The following FER1L6 variants were observed in gnomAD, a reference collection of about 807,000 sequenced individuals.
FER1L6 encodes the protein fer-1 like family member 6, also known as fer-1-like protein 6.
FER1L6 carries 177 observed loss-of-function variants against 219.2 expected under a neutral mutation model. The ratio of observed to expected loss-of-function variants is 0.81; its 90% confidence interval spans 0.71 to 0.91. The LOEUF (loss-of-function observed/expected upper bound fraction) is 0.91, where lower values mean the gene tolerates loss of function less well. Ranked by LOEUF, FER1L6 falls within the 40% of genes least tolerant of loss-of-function variation. The pLI is 0.00. For missense variants in FER1L6, 2,153 were observed against 2,259.9 expected (o/e 0.95, Z 0.96); for synonymous variants, 768 against 824.3 (o/e 0.93, Z 1.17).
Position 124,064,445 on chromosome 8 carries a change from C to T in FER1L6, c.3427C>T (p.Pro1143Ser). 1 of 1,613,848 alleles carries T rather than the reference C, an allele frequency of 6.2e-7. No homozygotes were observed. The highest frequency in any genetic ancestry group is 2.2e-5 in the East Asian group (1 of 44,884). Residue 1143 changes from proline (P) to serine (S), a missense_variant, in exon 26 of 41, where the codon CCC (proline) becomes TCC (serine). Coordinates refer to ENST00000522917, the MANE Select transcript of FER1L6 (RefSeq NM_001039112.2). The stretch of plus-strand genomic sequence containing the variant: ...CATTTATGTGGATGTTGAGCCACCT[C>T]CCACAGTGGTGCCCGACTCTGCCCA... ...DHIYVDVEPP[P>S]TVVPDSAQAQ...
At chr8:123,895,650 A>G (rs935074159) in intron 1 of FER1L6, among the ~76,000 whole-genome samples, 2 of 152,172 alleles carry the variant, frequency 1.3e-5, no homozygotes, top group Admixed American at 6.5e-5. Context: ...TGAGTCAGCG[A>G]GTAACTTGTG....
chr8:123,856,724 C>T (rs765269290), intron 1 of FER1L6, among the ~76,000 whole-genome samples: 6 of 151,844 alleles, frequency 4.0e-5, no homozygotes, highest in Non-Finnish European at 5.9e-5. Context: ...AAGTTAGCAC[C>T]ACACATTAAC....
chr8:123,996,951 TG>T (rs1188618231), intron 12 of FER1L6, among the ~76,000 whole-genome samples: 1 of 152,136 alleles, frequency 6.6e-6, no homozygotes, highest in Admixed American at 6.5e-5. Context: ...AAGTATTTGT[TG>T]TATACTGTCC....
chr8:124,059,290 A>G (rs1820449473), intron 22 of FER1L6, among the ~76,000 whole-genome samples: 1 of 152,186 alleles, frequency 6.6e-6, no homozygotes. Flanking sequence ...AGAGATGGAA[A>G]TTTACTTGTG....
chr8:124,107,649 G>A (rs1181277555), intron 39 of FER1L6, among the ~76,000 whole-genome samples: 1 of 152,138 alleles, frequency 6.6e-6, no homozygotes, highest in Non-Finnish European at 1.5e-5. Flanking sequence ...TTATTATAGT[G>A]ATTTAAATTC....
At chr8:124,104,702 G>A (rs1822690426) in intron 39 of FER1L6, among the ~76,000 whole-genome samples, 1 of 152,088 alleles carries the variant, frequency 6.6e-6, no homozygotes, top group African/African-American at 2.4e-5. Flanking sequence ...TCTAATTTCT[G>A]TATATTAATA....
chr8:124,003,449 T>G (rs13256364), intron 13 of FER1L6, 102 bp downstream of exon 13: 2 of 368,922 alleles, frequency 5.4e-6, no homozygotes, highest in Non-Finnish European at 9.6e-6. Flanking sequence ...ATCAGAAATG[T>G]CCTTTTTTTT....
At chr8:123,859,052 G>C (rs1816698277) in intron 1 of FER1L6, among the ~76,000 whole-genome samples, 1 of 151,808 alleles carries the variant, frequency 6.6e-6, no homozygotes, top group South Asian at 2.1e-4. Flanking sequence ...ACAGGCTGGA[G>C]TGCAGTGGCA....
intron 1 of FER1L6, among the ~76,000 whole-genome samples, chr8:123,865,802 G>C (rs28829655): frequency 4.0e-4 from 59 of 146,318 alleles, no homozygotes; most frequent in African/African-American, 1.1e-3. Flanking sequence ...GACCACTTGC[G>C]CTTCCCAGGT....
At chr8:123,966,096 A>C (rs765691214) in intron 4 of FER1L6, 35 bp downstream of exon 4, 3 of 1,613,554 alleles carry the variant, frequency 1.9e-6, no homozygotes, top group Middle Eastern at 1.7e-4. Context: ...AGCCTCCCCC[A>C]GTGCTTCCTG....
chr8:124,108,888 A>C (rs1822892347), intron 39 of FER1L6, among the ~76,000 whole-genome samples: 1 of 152,170 alleles, frequency 6.6e-6, no homozygotes, highest in African/African-American at 2.4e-5. Context: ...TATAGAAAAA[A>C]GGAAAGAAAA....
intron 39 of FER1L6, among the ~76,000 whole-genome samples, chr8:124,118,444 G>A (rs954938546): frequency 2.6e-5 from 4 of 152,206 alleles, no homozygotes; most frequent in South Asian, 2.1e-4. Context: ...ACTGTCACCA[G>A]TTTCCTCTTG....
intron 1 of FER1L6, among the ~76,000 whole-genome samples, chr8:123,914,778 T>G (rs1813135067): frequency 6.6e-6 from 1 of 152,082 alleles, no homozygotes; most frequent in Non-Finnish European, 1.5e-5. Context: ...CCCTCAAAAA[T>G]TTCATGGGTT....
intron 3 of FER1L6, 77 bp downstream of exon 3, chr8:123,963,475 G>A: frequency 6.6e-7 from 1 of 1,511,228 alleles, no homozygotes; most frequent in Non-Finnish European, 9.1e-7. Flanking sequence ...CAGGTGCTGG[G>A]AGAAGAGAGG....
intron 32 of FER1L6, 68 bp from the exon 33 acceptor site, chr8:124,082,220 G>A: frequency 2.3e-6 from 3 of 1,315,872 alleles, no homozygotes; most frequent in Non-Finnish European, 3.2e-6. Context: ...AGCTAAAAGT[G>A]AAGCTGGGAA....
chr8:124,010,133 C>A (rs889513999), intron 13 of FER1L6, among the ~76,000 whole-genome samples: 1 of 150,758 alleles, frequency 6.6e-6, no homozygotes, highest in Admixed American at 6.6e-5. Flanking sequence ...GTTTTAGGGT[C>A]GTGGAGCTGC....
intron 39 of FER1L6, among the ~76,000 whole-genome samples, chr8:124,118,309 T>A (rs184047353): frequency 6.6e-6 from 1 of 152,290 alleles, no homozygotes; most frequent in East Asian, 1.9e-4. Context: ...ATAGGCCATC[T>A]CTTATTGAGG....
At chr8:124,046,607 ATATAT>A (rs971249488) in intron 21 of FER1L6, 1 of 152,182 alleles carries the variant, frequency 6.6e-6, no homozygotes, top group Non-Finnish European at 1.5e-5. Flanking sequence ...AGAAGCACAA[ATATAT>A]TAAGTAAAAC....
chr8:124,060,837 G>A (rs186611213), intron 24 of FER1L6, 128 bp downstream of exon 24: 3 of 1,065,766 alleles, frequency 2.8e-6, no homozygotes, highest in East Asian at 5.1e-5. Context: ...ATTTCAGAAT[G>A]AGATAAAATA....
Sources: allele counts gnomAD v4.1 joint callset (sites outside exome capture counted in the v4.1 genomes callset), GRCh38; gene constraint gnomAD v4.1.1; transcripts MANE v1.5; gene names NCBI Gene and HGNC (gene_info 2026-07-23, HGNC 2026-07-21).